Variants in PLA2G4A observed in about 807,000 individuals in gnomAD.
The protein encoded by PLA2G4A is cytosolic phospholipase A2.
Under a neutral mutation model 81.9 loss-of-function variants are expected in PLA2G4A, and 40 were observed. The ratio of observed to expected loss-of-function variants is 0.49; its 90% CI spans 0.38 to 0.64. PLA2G4A has a LOEUF of 0.64. Ranked by LOEUF, PLA2G4A falls within the 30% of genes least tolerant of loss-of-function variation. The pLI is 0.00. For missense variants in PLA2G4A, 715 were observed against 905.1 expected, an observed-to-expected ratio of 0.79 and a Z score of 2.69; for synonymous variants, 302 against 296.9, an observed-to-expected ratio of 1.02 and a Z score of -0.18.
rs370575347 is a variant in PLA2G4A at position 186,932,722 on chromosome 1, T to A, written c.559-41T>A. ...GACTAAAGGGAACTGTATTTTATGA[T>A]TTTTACTTTGTGTACAAATCTCTCT... On this transcript the variant is annotated intron_variant, in intron 7 of 17. Transcript: ENST00000367466. 8.2e-5 allele frequency: 131 copies of A among 1,601,826 alleles called. No homozygotes were observed. The African/African-American group carries it at 1.6e-3, about 20-fold the overall frequency.
At chr1:186,887,632 G>A (rs1412561730) in intron 3 of PLA2G4A, among the ~76,000 whole-genome samples, 1 of 152,110 alleles carries the variant, frequency 6.6e-6, no homozygotes, top group African/African-American at 2.4e-5. Context: ...ATGAAGATGA[G>A]GCTGAGTTAG....
At chr1:186,914,827 C>T (rs1014978087) in intron 7 of PLA2G4A, among the ~76,000 whole-genome samples, 1 of 152,090 alleles carries the variant, frequency 6.6e-6, no homozygotes, top group African/African-American at 2.4e-5. Flanking sequence ...GGGTGGTCTC[C>T]TCCCTTATAT....
chr1:186,972,972 T>A (rs1657407822), intron 15 of PLA2G4A, among the ~76,000 whole-genome samples: 1 of 152,202 alleles, frequency 6.6e-6, no homozygotes, highest in Non-Finnish European at 1.5e-5. Flanking sequence ...TTATAATGCT[T>A]AGGTTGGCCC....
chr1:186,871,251 A>T (rs899116470), intron 3 of PLA2G4A, among the ~76,000 whole-genome samples: 1 of 152,176 alleles, frequency 6.6e-6, no homozygotes, highest in African/African-American at 2.4e-5. Context: ...CCATGTTTTT[A>T]AAAAAGGCAA....
chr1:186,940,517 G>A (rs1157848345), intron 10 of PLA2G4A, among the ~76,000 whole-genome samples: 3 of 152,112 alleles, frequency 2.0e-5, no homozygotes, highest in Non-Finnish European at 4.4e-5. Flanking sequence ...CCCCCCTGTG[G>A]ATACCAAATT....
intron 9 of PLA2G4A, 147 bp from the exon 10 acceptor site, chr1:186,939,833 A>C (rs1225551590): frequency 4.9e-6 from 3 of 608,132 alleles, no homozygotes; most frequent in Admixed American, 5.5e-5. Context: ...TTTGTTGTTC[A>C]TTCAGGACCT....
At chr1:186,899,255 T>C (rs1348490531) in intron 5 of PLA2G4A, among the ~76,000 whole-genome samples, 2 of 151,864 alleles carry the variant, frequency 1.3e-5, no homozygotes, top group African/African-American at 4.8e-5. Context: ...TGAAGCAGAG[T>C]TGGCCTGGCA....
At chr1:186,933,075 TTAA>T (rs1295599553) in intron 8 of PLA2G4A, among the ~76,000 whole-genome samples, 176 bp downstream of exon 8, 3 of 152,198 alleles carry the variant, frequency 2.0e-5, no homozygotes, top group African/African-American at 7.2e-5. Context: ...AAATCCATAC[TTAA>T]TAATAACTTT....
At chr1:186,977,179 G>T (rs979368455) in intron 15 of PLA2G4A, among the ~76,000 whole-genome samples, 1 of 152,110 alleles carries the variant, frequency 6.6e-6, no homozygotes, top group African/African-American at 2.4e-5. Flanking sequence ...TAACACTTTG[G>T]TGGAGATGAT....
intron 1 of PLA2G4A, among the ~76,000 whole-genome samples, chr1:186,838,632 T>C (rs1651873360): frequency 6.6e-6 from 1 of 152,172 alleles, no homozygotes; most frequent in Admixed American, 6.5e-5. Context: ...TGGAACCTTT[T>C]TTTTCTTCAT....
chr1:186,880,975 C>T (rs888895756), intron 3 of PLA2G4A, among the ~76,000 whole-genome samples: 2 of 151,956 alleles, frequency 1.3e-5, no homozygotes, highest in Non-Finnish European at 2.9e-5. Context: ...ATATTTCTCC[C>T]CATTTTCCCA....
chr1:186,902,103 G>A (rs752850195), intron 5 of PLA2G4A, among the ~76,000 whole-genome samples: 15 of 152,122 alleles, frequency 9.9e-5, no homozygotes, highest in Non-Finnish European at 1.9e-4. Context: ...TAAGCTGCAA[G>A]CCTGTATAGC....
chr1:186,863,086 T>G (rs1652876139), intron 2 of PLA2G4A, among the ~76,000 whole-genome samples: 1 of 152,162 alleles, frequency 6.6e-6, no homozygotes, highest in South Asian at 2.1e-4. Flanking sequence ...GATGAATATA[T>G]CATTAAGTAA....
intron 1 of PLA2G4A, among the ~76,000 whole-genome samples, chr1:186,840,541 C>T (rs1023982684): frequency 5.3e-5 from 8 of 152,230 alleles, no homozygotes; most frequent in African/African-American, 4.8e-5. Context: ...TCTGTGCTTC[C>T]GCAATTCCTG....
intron 7 of PLA2G4A, among the ~76,000 whole-genome samples, chr1:186,932,048 A>G (rs1655764818): frequency 2.0e-5 from 3 of 152,180 alleles, no homozygotes; most frequent in African/African-American, 7.2e-5. Flanking sequence ...CACAAGAAAC[A>G]TCATCATTAT....
chr1:186,876,661 G>A (rs959578034), intron 3 of PLA2G4A, among the ~76,000 whole-genome samples: 42 of 152,126 alleles, frequency 2.8e-4, no homozygotes, highest in Non-Finnish European at 5.6e-4. Context: ...ATGCCTTTCA[G>A]AGCAGTCTTC....
At position 186,939,839 on chromosome 1, in the gene PLA2G4A, G is replaced by A. The variant is rs1023656848; in HGVS notation, c.919-141G>A. Reference sequence around the variant, plus strand: ...AGCTTATTTTTTGTTGTTCATTCAGGACCTAGTAATTTCTAGAAGTAATAA... The same window carrying A: ...AGCTTATTTTTTGTTGTTCATTCAGAACCTAGTAATTTCTAGAAGTAATAA... On this transcript the variant is annotated intron_variant, in intron 9 of 17. Coordinates refer to ENST00000367466, the MANE Select transcript of PLA2G4A (RefSeq NM_024420.3). The A allele has an allele frequency of 1.1e-5, 7 of 615,002 alleles. No homozygotes were observed. The African/African-American group carries it at 1.3e-4, about 11-fold the overall frequency. 38.1% of individuals were successfully genotyped at this position (615,002 alleles called of 1,614,324 possible).
chr1:186,969,543 C>G (rs940166818), intron 15 of PLA2G4A, among the ~76,000 whole-genome samples: 3 of 151,862 alleles, frequency 2.0e-5, no homozygotes, highest in Admixed American at 6.6e-5. Flanking sequence ...TTTCCATTCA[C>G]TCTTTATTTC....
At chr1:186,943,108 TTA>T (rs1179258480) in intron 10 of PLA2G4A, among the ~76,000 whole-genome samples, 1 of 152,214 alleles carries the variant, frequency 6.6e-6, no homozygotes, top group Non-Finnish European at 1.5e-5. Flanking sequence ...AGTCTCTGAA[TTA>T]TATTTTTAAA....
Sources: allele counts gnomAD v4.1 joint callset (sites outside exome capture counted in the v4.1 genomes callset), GRCh38; gene constraint gnomAD v4.1.1; transcripts MANE v1.5; gene names NCBI Gene and HGNC (gene_info 2026-07-23, HGNC 2026-07-21).